SLK: variants seen among roughly 807,000 people sequenced by gnomAD.
The protein encoded by SLK is STE20-like serine/threonine-protein kinase.
In SLK, 67 loss-of-function variants were observed where a neutral mutation model predicts 147.7. The ratio of observed to expected loss-of-function variants is 0.45; its 90% CI spans 0.37 to 0.56. SLK has a LOEUF of 0.56. Among genes scored for constraint, SLK ranks in the 20% least tolerant of loss-of-function variants. SLK has a pLI of 0.00. For missense variants in SLK, 1,136 were observed against 1,438.8 expected, an observed-to-expected ratio of 0.79 and a Z score of 3.41; for synonymous variants, 441 against 475.0, an observed-to-expected ratio of 0.93 and a Z score of 0.93.
intron 4 of SLK, among the ~76,000 whole-genome samples, chr10:103,997,923 A>T (rs1208216929): frequency 6.6e-6 from 1 of 152,152 alleles, no homozygotes; most frequent in Non-Finnish European, 1.5e-5. Context: ...TGTGTACCTT[A>T]TCAATATACT....
intron 7 of SLK, 84 bp from the exon 8 acceptor site, chr10:104,001,360 A>G (rs1375885387): frequency 1.4e-5 from 15 of 1,083,764 alleles, no homozygotes; most frequent in African/African-American, 3.1e-5. Flanking sequence ...ATTTTTTACC[A>G]CATAAGAATG....
chr10:104,002,197 C>G lies in SLK; in HGVS notation c.1019C>G (p.Ser340Cys), dbSNP rs373397561. Reference protein sequence around the residue: ...SLPIPASKRASSDLSIASSEE... With the variant: ...SLPIPASKRACSDLSIASSEE... ...CCAATACCTGCAAGTAAGCGTGCAT[C>G]TTCTGACCTTAGTATCGCCAGCTCT... is the stretch of plus-strand genomic sequence containing the variant. Residue 340 changes from serine (S) to cysteine (C), a missense_variant, in exon 9 of 19, where the codon TCT (serine) becomes TGT (cysteine). Ser to Cys is a moderately radical substitution (Grantham distance 112). This residue lies in a region of SLK where 516 missense variants were observed against 531.3 expected (regional missense o/e 0.97). Transcript: ENST00000369755. 5 of 1,595,718 alleles carry G rather than the reference C, an allele frequency of 3.1e-6. No individual in the cohort carries two copies. The African/African-American group carries it at 6.8e-5, about 22-fold the overall frequency.
Position 103,990,712 on chromosome 10 carries a change from A to C in SLK, c.188A>C (p.Lys63Thr). 1 of 1,571,174 alleles carries C rather than the reference A, an allele frequency of 6.4e-7. No individual in the cohort carries two copies. The highest frequency in any genetic ancestry group is 8.6e-7 in the Non-Finnish European group (1 of 1,162,530). Reference sequence around the variant, plus strand: ...GAGACCAGTGTTTTAGCTGCTGCAAAAGTGATTGACACTAAATCTGAAGAA... The same window carrying C: ...GAGACCAGTGTTTTAGCTGCTGCAACAGTGATTGACACTAAATCTGAAGAA... ...NKETSVLAAAKVIDTKSEEEL... is the reference protein window; with the variant it reads ...NKETSVLAAATVIDTKSEEEL... Residue 63 changes from lysine to threonine, a missense_variant, in exon 2 of 19, where the codon AAA becomes ACA. By Grantham distance (78) the Lys-to-Thr change is moderately conservative. Transcript: ENST00000369755.
At chr10:103,971,321 C>T (rs1268354485) in intron 1 of SLK, among the ~76,000 whole-genome samples, 1 of 152,208 alleles carries the variant, frequency 6.6e-6, no homozygotes, top group Non-Finnish European at 1.5e-5. Context: ...GTCGCCCAGG[C>T]TGCAGTGCTG....
rs1844537398 is a variant in SLK at position 104,021,756 on chromosome 10, A to G, written c.3561+23A>G. ...AAGGTAATTTTAAAAGCTTTAATTA[A>G]AATGATATGTGTGTACTCGTCCGTC... On this transcript the variant is annotated intron_variant, in intron 18 of 18. Coordinates refer to ENST00000369755, the MANE Select transcript of SLK (RefSeq NM_014720.4). The G allele has an allele frequency of 3.1e-6, 4 of 1,306,722 alleles. No individual in the cohort carries two copies. The East Asian group carries it at 9.3e-5, about 30-fold the overall frequency. 80.9% of individuals were successfully genotyped at this position (1,306,722 alleles called of 1,614,324 possible). A position where few individuals can be genotyped will look rare whatever the true frequency, so the allele number is the denominator to read the frequency against.
In SLK at chr10:103,996,405, T is replaced by C. The variant is rs1276198832; in HGVS notation, c.515-2494T>C. 3.4e-5 allele frequency among the ~76,000 whole-genome samples: 5 copies of C among 148,272 alleles called. No individual in the cohort carries two copies. The East Asian group carries it at 5.8e-4, about 17-fold the overall frequency. On this transcript the variant is annotated intron_variant, in intron 4 of 18. Coordinates refer to ENST00000369755, the MANE Select transcript of SLK (RefSeq NM_014720.4). ...ATAAATATTTTTTTTCTTTTCTTTTTTTTTTTTTTTTGAGACGGAGTCTTG... is the reference window on the plus strand; with the variant it reads ...ATAAATATTTTTTTTCTTTTCTTTTCTTTTTTTTTTTGAGACGGAGTCTTG...
At chr10:104,003,632 A>G (rs987815778) in intron 9 of SLK, 105 bp downstream of exon 9, 58 of 913,908 alleles carry the variant, frequency 6.3e-5, no homozygotes, top group Non-Finnish European at 8.0e-5. Flanking sequence ...AAATTAATGT[A>G]GTATTAACAA....
intron 12 of SLK, among the ~76,000 whole-genome samples, chr10:104,009,657 A>G (rs536714241): frequency 6.6e-6 from 1 of 152,316 alleles, no homozygotes; most frequent in African/African-American, 2.4e-5. Context: ...AAAATTTTAC[A>G]GATAAATATA....
chr10:104,008,167 T>G lies in SLK; in HGVS notation c.2605-10T>G. 1.2e-6 allele frequency: 2 copies of G among 1,603,604 alleles called. No individual in the cohort carries two copies. The highest frequency in any genetic ancestry group is 1.7e-6 in the Non-Finnish European group (2 of 1,174,538). ...GAAAAGTTATCATCTTGAGCTATAT[T>G]GTTTTACAGAGTAAAAAGCGACAAT... On this transcript the variant is annotated splice_polypyrimidine_tract_variant and intron_variant, in intron 11 of 18. Transcript: ENST00000369755.
At position 104,029,116 on chromosome 10, in the gene SLK, A is replaced by C. The variant is rs1454800266; in HGVS notation, c.*3396A>C. ...CTCTGGTTTGCAGTGTAATGAGTTC[A>C]TAAGCTAAATTTTCAGAAAGAATTT... On this transcript the variant is annotated 3_prime_UTR_variant, in exon 19 of 19. Transcript: ENST00000369755. 6.6e-6 allele frequency: 1 copy of C among 152,254 alleles called. No individual in the cohort carries two copies. The highest frequency in any genetic ancestry group is 1.5e-5 in the Non-Finnish European group (1 of 68,048). The allele number at this position is 152,254 out of a possible 1,614,324, so 9.4% of individuals were successfully genotyped here.
At chr10:104,014,410 T>A (rs1051977413) in intron 13 of SLK, among the ~76,000 whole-genome samples, 1 of 152,236 alleles carries the variant, frequency 6.6e-6, no homozygotes, top group Non-Finnish European at 1.5e-5. Flanking sequence ...AACACTGTAA[T>A]TTTTGTTTGT....
intron 1 of SLK, among the ~76,000 whole-genome samples, chr10:103,971,476 A>T (rs531082699): frequency 6.6e-6 from 1 of 152,244 alleles, no homozygotes; most frequent in East Asian, 1.9e-4. Flanking sequence ...GGGTTTCACC[A>T]TGTTTGCCAG....
At chr10:104,001,871 A>G (rs1024665615) in intron 8 of SLK, among the ~76,000 whole-genome samples, 1 of 152,006 alleles carries the variant, frequency 6.6e-6, no homozygotes, top group Non-Finnish European at 1.5e-5. Flanking sequence ...ATGCGCCACC[A>G]CACCCAACTA....
chr10:103,991,368 A>G (rs539510736), intron 2 of SLK, among the ~76,000 whole-genome samples: 1 of 152,286 alleles, frequency 6.6e-6, no homozygotes, highest in Admixed American at 6.5e-5. Flanking sequence ...AAGTAGATAT[A>G]GAAATAAAAC....
At chr10:103,976,906 G>A (rs1342800118) in intron 1 of SLK, among the ~76,000 whole-genome samples, 1 of 152,176 alleles carries the variant, frequency 6.6e-6, no homozygotes, top group African/African-American at 2.4e-5. Context: ...GTTTCTCAGT[G>A]TTGGCACTAC....
intron 1 of SLK, among the ~76,000 whole-genome samples, chr10:103,980,962 A>G (rs1843933739): frequency 1.3e-5 from 2 of 152,050 alleles, no homozygotes. Flanking sequence ...CAAGAGTTCT[A>G]ATTTCTCCAC....
At chr10:103,990,642 G>C (rs1844079996) in intron 1 of SLK, 33 bp from the exon 2 acceptor site, 1 of 1,379,064 alleles carries the variant, frequency 7.3e-7, no homozygotes, top group South Asian at 1.5e-5. Flanking sequence ...TGATGCATTT[G>C]AAATGTGACA....
At position 103,999,817 on chromosome 10, in the gene SLK, TTTGA is replaced by T. The variant is rs1221839578; in HGVS notation, c.783-47_783-44del. ...TAACTTATCAAAGAGTTTTGTTTAATTTGATTAACAAGAAAGTAAAATAGAATGT... is the reference window on the plus strand; with the variant it reads ...TAACTTATCAAAGAGTTTTGTTTAATTTAACAAGAAAGTAAAATAGAATGT... On this transcript the variant is annotated intron_variant, in intron 6 of 18. Transcript: ENST00000369755. 5 of 788,768 alleles carry T rather than the reference TTTGA, an allele frequency of 6.3e-6. 1 individual carries two copies. The South Asian group carries it at 8.3e-5, about 13-fold the overall frequency. The allele number at this position is 788,768 out of a possible 1,614,324, so 48.9% of individuals were successfully genotyped here.
intron 1 of SLK, among the ~76,000 whole-genome samples, chr10:103,985,407 C>T (rs1164072821): frequency 6.6e-6 from 1 of 152,104 alleles, no homozygotes; most frequent in African/African-American, 2.4e-5. Flanking sequence ...TGTTCGTGAA[C>T]AATTTGAGTT....
Sources: gnomAD v4.1 joint callset for allele counts (sites outside exome capture counted in the v4.1 genomes callset) on GRCh38, gnomAD v4.1.1 for gene constraint, gnomAD v4.1.1 regional missense constraint, MANE v1.5 for transcripts, NCBI Gene and HGNC (gene_info 2026-07-23, HGNC 2026-07-21) for gene names.